Variants in OCA2 observed in about 807,000 individuals in gnomAD.
OCA2 encodes P protein.
A neutral mutation model predicts 100.2 loss-of-function variants in OCA2; 77 were observed. That is an observed-to-expected ratio of 0.77 (90% CI 0.64 to 0.93). The LOEUF (loss-of-function observed/expected upper bound fraction) is 0.93. Among genes scored for constraint, OCA2 ranks in the 40% least tolerant of loss-of-function variants. OCA2 has a pLI of 0.00. For synonymous variants in OCA2, 432 were observed against 439.2 expected (o/e 0.98, Z 0.21); for missense variants, 1,062 against 1,089.1 (o/e 0.98, Z 0.35).
At chr15:27,824,798 C>T (rs1057005479) in intron 23 of OCA2, among the ~76,000 whole-genome samples, 4 of 151,774 alleles carry the variant, frequency 2.6e-5, no homozygotes, top group African/African-American at 7.3e-5. Flanking sequence ...TGTGCACACA[C>T]GTAAGGCCTG....
chr15:27,916,012 TA>T (rs1567101759), intron 19 of OCA2, among the ~76,000 whole-genome samples: 1 of 152,110 alleles, frequency 6.6e-6, no homozygotes, highest in Non-Finnish European at 1.5e-5. Context: ...TATGCAGCCA[TA>T]AAAAAGAATG....
At chr15:27,858,694 G>A (rs564970190) in intron 21 of OCA2, among the ~76,000 whole-genome samples, 1 of 151,814 alleles carries the variant, frequency 6.6e-6, no homozygotes, top group South Asian at 2.1e-4. Context: ...AATAGAACGT[G>A]GAAATATATG....
intron 2 of OCA2, among the ~76,000 whole-genome samples, chr15:28,035,510 A>C (rs544767064): frequency 1.3e-5 from 2 of 152,348 alleles, no homozygotes; most frequent in Non-Finnish European, 1.5e-5. Context: ...AGGATTGCCC[A>C]AAAACATTTT....
chr15:27,853,503 G>A (rs1181567626), intron 21 of OCA2, among the ~76,000 whole-genome samples: 3 of 150,206 alleles, frequency 2.0e-5, no homozygotes, highest in African/African-American at 4.9e-5. Context: ...CAGCACACCA[G>A]CATGGCACAT....
rs199875420 is a variant in OCA2 at position 27,983,338 on chromosome 15, T to A, written c.1503+7A>T. ...ACTGGAAGCAACCCTAGCATGCTGG[T>A]ACGTACCATCTTCCTCAGCTCTTGG... On this transcript the variant is annotated splice_region_variant and intron_variant, in intron 14 of 23. Transcript: ENST00000354638. 1.4e-4 allele frequency: 221 copies of A among 1,614,144 alleles called. No homozygotes were observed. The highest frequency in any genetic ancestry group is 3.8e-5 in the Non-Finnish European group (45 of 1,180,030).
intron 14 of OCA2, among the ~76,000 whole-genome samples, chr15:27,968,030 G>A (rs1207228383): frequency 5.9e-5 from 9 of 152,034 alleles, no homozygotes; most frequent in African/African-American, 1.9e-4. Flanking sequence ...AGTCAGCAGC[G>A]TCATTGGTTG....
intron 14 of OCA2, among the ~76,000 whole-genome samples, chr15:27,976,607 G>C (rs1421791847): frequency 6.6e-6 from 1 of 151,950 alleles, no homozygotes; most frequent in East Asian, 1.9e-4. Flanking sequence ...AATTCTACTT[G>C]GTTAAGATGT....
intron 21 of OCA2, among the ~76,000 whole-genome samples, chr15:27,851,859 G>T (rs1465558357): frequency 1.3e-5 from 2 of 152,160 alleles, no homozygotes; most frequent in South Asian, 2.1e-4. Context: ...CCTCAAGTGT[G>T]CTGTTACTCC....
chr15:27,885,267 T>C (rs2037178579), intron 19 of OCA2, among the ~76,000 whole-genome samples: 2 of 152,170 alleles, frequency 1.3e-5, no homozygotes, highest in Non-Finnish European at 2.9e-5. Flanking sequence ...ACCTATAAAT[T>C]AGAGCCTTTA....
chr15:28,063,790 A>C (rs183478187), intron 2 of OCA2, among the ~76,000 whole-genome samples: 338 of 152,292 alleles, frequency 2.2e-3, no homozygotes, highest in African/African-American at 7.6e-3. Flanking sequence ...GCTTTATGCA[A>C]CTGTCATTTA....
At chr15:28,015,568 G>A (rs2042365314) in intron 8 of OCA2, among the ~76,000 whole-genome samples, 1 of 152,168 alleles carries the variant, frequency 6.6e-6, no homozygotes, top group African/African-American at 2.4e-5. Context: ...TACAAGGAGA[G>A]ATGAGAAGAC....
intron 2 of OCA2, among the ~76,000 whole-genome samples, chr15:28,049,533 A>G (rs959136506): frequency 1.6e-4 from 24 of 152,360 alleles, no homozygotes; most frequent in African/African-American, 5.8e-4. Context: ...TCATTGCCAC[A>G]TTATTCAAAA....
intron 23 of OCA2, among the ~76,000 whole-genome samples, chr15:27,771,664 T>C (rs1462386972): frequency 6.6e-6 from 1 of 152,250 alleles, no homozygotes; most frequent in Non-Finnish European, 1.5e-5. Flanking sequence ...TACATGTTTT[T>C]CCAGAAAATC....
the OCA2 span, among the ~76,000 whole-genome samples, chr15:27,725,591 C>CA: frequency 6.6e-6 from 1 of 151,998 alleles, no homozygotes. Flanking sequence ...ACAAAACAAA[C>CA]AAAAAAACCT....
At chr15:27,988,281 C>A (rs1371239678) in intron 11 of OCA2, among the ~76,000 whole-genome samples, 2 of 151,986 alleles carry the variant, frequency 1.3e-5, no homozygotes, top group African/African-American at 4.8e-5. Flanking sequence ...TGAATTCCAC[C>A]GAGAAAAACG....
intron 19 of OCA2, among the ~76,000 whole-genome samples, chr15:27,915,975 G>T (rs570271069): frequency 1.3e-5 from 2 of 152,096 alleles, no homozygotes; most frequent in Non-Finnish European, 2.9e-5. Flanking sequence ...ACTGAATAAA[G>T]AAAATGTGAC....
At chr15:27,833,836 T>C (rs1400046268) in intron 23 of OCA2, among the ~76,000 whole-genome samples, 2 of 152,162 alleles carry the variant, frequency 1.3e-5, no homozygotes, top group African/African-American at 2.4e-5. Flanking sequence ...CCAGCATCCA[T>C]GGAGGATCTC....
intron 2 of OCA2, among the ~76,000 whole-genome samples, chr15:28,064,176 G>A (rs933906735): frequency 1.3e-5 from 2 of 152,040 alleles, no homozygotes; most frequent in African/African-American, 2.4e-5. Flanking sequence ...TGTAATTAAG[G>A]ATCCCTTGTA....
At chr15:27,786,656 T>A (rs2032831947) in intron 23 of OCA2, among the ~76,000 whole-genome samples, 1 of 152,190 alleles carries the variant, frequency 6.6e-6, no homozygotes, top group African/African-American at 2.4e-5. Flanking sequence ...GAAAACTTGC[T>A]GAATTTATTC....
Sources: allele counts gnomAD v4.1 joint callset (sites outside exome capture counted in the v4.1 genomes callset), GRCh38; gene constraint gnomAD v4.1.1; transcripts MANE v1.5; gene names NCBI Gene and HGNC (gene_info 2026-07-23, HGNC 2026-07-21).